The following MAMLD1 variants were observed in gnomAD, a reference collection of about 807,000 sequenced individuals.
MAMLD1 encodes the protein mastermind like domain containing 1.
In MAMLD1, 14 loss-of-function variants were observed where a neutral mutation model predicts 45.0. The ratio of observed to expected loss-of-function variants is 0.31; its 90% CI spans 0.21 to 0.49. MAMLD1 has a LOEUF of 0.49. MAMLD1 is among the 20% of genes least tolerant of loss of function. The pLI is 0.99. For synonymous variants in MAMLD1, 254 were observed against 247.8 expected, an observed-to-expected ratio of 1.02 and a Z score of -0.24; for missense variants, 543 against 603.6, an observed-to-expected ratio of 0.90 and a Z score of 1.05.
At chrX:150,497,769 A>G (rs1309404914) in intron 5 of MAMLD1, among the ~76,000 whole-genome samples, 2 of 111,793 alleles carry the variant, frequency 1.8e-5, no homozygotes, top group African/African-American at 3.3e-5. Flanking sequence ...GTGGCCTTAC[A>G]AAATATTCTT....
At chrX:150,432,855 T>C (rs2034999445) in intron 1 of MAMLD1, among the ~76,000 whole-genome samples, 1 of 112,410 alleles carries the variant, frequency 8.9e-6, no homozygotes. Context: ...ACATGATGCC[T>C]CCAGCTTTGC....
At chrX:150,471,549 A>T (rs1252466688) in intron 4 of MAMLD1, 59 bp downstream of exon 4, 23 of 1,207,457 alleles carry the variant, frequency 1.9e-5, no homozygotes, top group Non-Finnish European at 2.6e-5. Flanking sequence ...ACTGTGTTTC[A>T]TGTTGCCAAT....
At chrX:150,413,550 C>G (rs960001888) in intron 1 of MAMLD1, among the ~76,000 whole-genome samples, 1 of 110,218 alleles carries the variant, frequency 9.1e-6, no homozygotes, top group Non-Finnish European at 1.9e-5. Flanking sequence ...GTTGAAGGCT[C>G]ATCACACCAA....
chrX:150,455,007 C>T lies in MAMLD1; in HGVS notation c.97-7765C>T, dbSNP rs887962736. 2.7e-5 allele frequency among the ~76,000 whole-genome samples: 3 copies of T among 111,974 alleles called. No homozygotes were observed. In the East Asian group the frequency reaches 8.4e-4, roughly 31 times the overall value. ...CTACCACTTCTCTCTCTATCTCTCT[C>T]TCATGTACACGTACATGGTTATATG... is the stretch of plus-strand genomic sequence containing the variant. On this transcript the variant is annotated intron_variant, in intron 2 of 7. Transcript: ENST00000370401.
intron 1 of MAMLD1, among the ~76,000 whole-genome samples, chrX:150,424,108 T>A (rs1557403713): frequency 2.7e-5 from 3 of 112,184 alleles, no homozygotes; most frequent in Non-Finnish European, 5.6e-5. Flanking sequence ...TAATGGGAGG[T>A]CACTGTGTGC....
intron 1 of MAMLD1, among the ~76,000 whole-genome samples, chrX:150,430,011 T>C (rs1602772754): frequency 1.4e-5 from 1 of 71,165 alleles, no homozygotes; most frequent in African/African-American, 5.0e-5. Context: ...CTTTTCTTTC[T>C]TTCTTTTCTT....
At position 150,513,743 on chromosome X, in the gene MAMLD1, G is replaced by A; in HGVS notation, c.*1784G>A. 3.4e-6 allele frequency: 1 copy of A among 297,304 alleles called. No individual in the cohort carries two copies. Among genetic ancestry groups the A allele is most frequent in the East Asian group, 4.7e-5 (1 of 21,074 alleles). The allele number at this position is 297,304 out of a possible 1,213,427, so 24.5% of individuals were successfully genotyped here. A position where few individuals can be genotyped will look rare whatever the true frequency, so the allele number is the denominator to read the frequency against. On this transcript the variant is annotated 3_prime_UTR_variant, in exon 8 of 8. Coordinates refer to ENST00000370401, the MANE Select transcript of MAMLD1 (RefSeq NM_005491.5). ...TGGGAGAGGCGCAGAGACAGTGTGT[G>A]AGCCGAGCCCTGTCTCAGCAATCCA...
rs1197434758 is a variant in MAMLD1 at position 150,366,046 on chromosome X, T to G, written c.-64+2516T>G. 4.5e-5 allele frequency among the ~76,000 whole-genome samples: 5 copies of G among 111,930 alleles called. 1 individual carries two copies. Among genetic ancestry groups the G allele is most frequent in the Non-Finnish European group, 5.6e-5 (3 of 53,125 alleles). Reference sequence around the variant, plus strand: ...GCCCCAAAGTGGTCGGTGTCTCTCATAGAGTTTGTTCGGGAAGGGAATACT... The same window carrying G: ...GCCCCAAAGTGGTCGGTGTCTCTCAGAGAGTTTGTTCGGGAAGGGAATACT... On this transcript the variant is annotated intron_variant, in intron 1 of 7. Coordinates refer to ENST00000370401, the MANE Select transcript of MAMLD1 (RefSeq NM_005491.5).
At chrX:150,447,966 A>G (rs1340392296) in intron 2 of MAMLD1, among the ~76,000 whole-genome samples, 1 of 112,527 alleles carries the variant, frequency 8.9e-6, no homozygotes, top group Non-Finnish European at 1.9e-5. Context: ...AAAACAAACA[A>G]ACAAACAAAA....
chrX:150,384,743 G>T (rs1163943978), intron 1 of MAMLD1, among the ~76,000 whole-genome samples: 7 of 111,576 alleles, frequency 6.3e-5, no homozygotes, highest in South Asian at 3.8e-4. Context: ...TATAGTTTTA[G>T]TTCTTACATT....
At chrX:150,469,607 C>A in intron 3 of MAMLD1, 138 bp from the exon 4 acceptor site, 1 of 112,206 alleles carries the variant, frequency 8.9e-6, no homozygotes, top group Non-Finnish European at 1.8e-5. Context: ...ATAAAAATTC[C>A]TCTCTCTCTC....
In MAMLD1 at chrX:150,471,022, C is replaced by T. The variant is rs1331580914; in HGVS notation, c.1449C>T (p.Leu483=). 7 of 1,210,156 alleles carry T rather than the reference C, an allele frequency of 5.8e-6. No homozygotes were observed. The highest frequency in any genetic ancestry group is 7.8e-6 in the Non-Finnish European group (7 of 895,303). Residue 483 remains leucine, a synonymous_variant, in exon 4 of 8, where the codon CTC becomes CTT. Transcript: ENST00000370401. The part of the protein sequence containing the change: ...FTPQCSLIRS[L]TPTSNLLSQQ... ...CACAGTGTTCCCTGATCCGAAGCCT[C>T]ACTCCCACCAGTAATCTTCTAAGCC...
At chrX:150,372,223 T>C (rs1397950839) in intron 1 of MAMLD1, among the ~76,000 whole-genome samples, 1 of 112,215 alleles carries the variant, frequency 8.9e-6, no homozygotes, top group Non-Finnish European at 1.9e-5. Flanking sequence ...AGTCTGGAAG[T>C]AGCTGGAGAA....
At chrX:150,409,041 C>A (rs890024796) in intron 1 of MAMLD1, among the ~76,000 whole-genome samples, 1 of 111,671 alleles carries the variant, frequency 9.0e-6, no homozygotes, top group Non-Finnish European at 1.9e-5. Context: ...ACCTCTTCTG[C>A]GGGGCTGCTA....
intron 5 of MAMLD1, among the ~76,000 whole-genome samples, chrX:150,489,368 A>G (rs1450988115): frequency 2.7e-5 from 3 of 110,054 alleles, no homozygotes; most frequent in African/African-American, 6.6e-5. Flanking sequence ...CTGCATTCTC[A>G]TGTGATGGAA....
At chrX:150,509,893 G>A (rs782027105) in intron 6 of MAMLD1, 69 bp from the exon 7 acceptor site, 6 of 792,804 alleles carry the variant, frequency 7.6e-6, no homozygotes, top group Admixed American at 6.6e-5. Flanking sequence ...AGGTCCCCAC[G>A]CAGCGATCCT....
intron 1 of MAMLD1, among the ~76,000 whole-genome samples, chrX:150,418,229 G>C (rs1447528107): frequency 9.0e-6 from 1 of 111,623 alleles, no homozygotes; most frequent in Non-Finnish European, 1.9e-5. Flanking sequence ...TTTGCATAGA[G>C]GTGTTTGTAG....
At chrX:150,365,901 G>A (rs1465500700) in intron 1 of MAMLD1, among the ~76,000 whole-genome samples, 2 of 112,547 alleles carry the variant, frequency 1.8e-5, no homozygotes, top group African/African-American at 6.5e-5. Context: ...CATTTAGCGG[G>A]TCCTTGTCCC....
chrX:150,410,008 T>A (rs1005375475), intron 1 of MAMLD1, among the ~76,000 whole-genome samples: 1 of 112,196 alleles, frequency 8.9e-6, no homozygotes, highest in Admixed American at 9.4e-5. Context: ...CTGATAGTAG[T>A]GAGCCCAGGC....
Sources: allele counts gnomAD v4.1 joint callset (sites outside exome capture counted in the v4.1 genomes callset), GRCh38; gene constraint gnomAD v4.1.1; transcripts MANE v1.5; gene names NCBI Gene and HGNC (gene_info 2026-07-23, HGNC 2026-07-21).